The following STK32C variants were observed in gnomAD, a reference collection of about 807,000 sequenced individuals.
STK32C encodes serine/threonine-protein kinase 32C.
STK32C carries 31 observed loss-of-function variants against 56.5 expected under a neutral mutation model. The observed-to-expected ratio is 0.55, with a 90% CI of 0.41 to 0.74. The LOEUF (loss-of-function observed/expected upper bound fraction) is 0.74. Among genes scored for constraint, STK32C ranks in the 30% least tolerant of loss-of-function variants. The probability of loss-of-function intolerance (pLI) is 0.00; values close to 1 mark genes in which losing one functional copy is unlikely to be tolerated. For missense variants in STK32C, 544 were observed against 676.9 expected (o/e 0.80, Z 2.18); for synonymous variants, 309 against 289.4 (o/e 1.07, Z -0.69).
chr10:132,306,433 G>A (rs575322801), intron 1 of STK32C, among the ~76,000 whole-genome samples: 12 of 152,384 alleles, frequency 7.9e-5, no homozygotes, highest in African/African-American at 2.6e-4. Flanking sequence ...ACCCTGGAGC[G>A]TGTGGGGCCT....
chr10:132,317,016 A>G (rs1032263525), intron 1 of STK32C, among the ~76,000 whole-genome samples: 15 of 152,052 alleles, frequency 9.9e-5, no homozygotes, highest in Non-Finnish European at 1.9e-4. Flanking sequence ...AAAAAAAAAA[A>G]AAGATACTTA....
At chr10:132,308,745 C>G (rs776234178), upstream of STK32C, among the ~76,000 whole-genome samples, 3 of 152,192 alleles carry the variant, frequency 2.0e-5, no homozygotes, top group Non-Finnish European at 2.9e-5. Context: ...TGTCCAGATG[C>G]GACAGGGGCC....
chr10:132,265,642 C>T (rs545709041), intron 1 of STK32C, among the ~76,000 whole-genome samples: 63 of 152,260 alleles, frequency 4.1e-4, no homozygotes, highest in Non-Finnish European at 7.8e-4. Context: ...AGGATTCAGC[C>T]GCAGGCAGCC....
chr10:132,263,941 A>G (rs1402845607), intron 1 of STK32C, among the ~76,000 whole-genome samples: 1 of 152,106 alleles, frequency 6.6e-6, no homozygotes, highest in Non-Finnish European at 1.5e-5. Flanking sequence ...CCAAGCTGGA[A>G]GGACCCTGAC....
upstream of STK32C, among the ~76,000 whole-genome samples, chr10:132,312,901 G>C (rs907310243): frequency 1.5e-4 from 23 of 152,144 alleles, no homozygotes; most frequent in African/African-American, 5.3e-4. Context: ...TTAGCCAGGC[G>C]TGGTGGCACA....
At chr10:132,276,849 G>C (rs11146306) in intron 1 of STK32C, among the ~76,000 whole-genome samples, 13 of 151,592 alleles carry the variant, frequency 8.6e-5, no homozygotes, top group Non-Finnish European at 1.6e-4. Context: ...CGTGGCCCAC[G>C]GTCCCCAAGA....
At chr10:132,251,683 C>A (rs984765962) in intron 1 of STK32C, among the ~76,000 whole-genome samples, 2 of 151,978 alleles carry the variant, frequency 1.3e-5, no homozygotes. Flanking sequence ...CAGGTCAACA[C>A]CCTATGCCTC....
Position 132,279,363 on chromosome 10 carries a change from G to A in STK32C, c.262+28209C>T, listed in dbSNP as rs142519027. On this transcript the variant is annotated intron_variant, in intron 1 of 11. Transcript: ENST00000298630. ...TGCTGATAAGAACATATCCCAAAGAGACAACATAAAGCCTTTGCAGGAGTC... is the reference window on the plus strand; with the variant it reads ...TGCTGATAAGAACATATCCCAAAGAAACAACATAAAGCCTTTGCAGGAGTC... 3.0e-3 allele frequency among the ~76,000 whole-genome samples: 452 copies of A among 152,186 alleles called. 1 individual carries two copies. Among genetic ancestry groups the A allele is most frequent in the Middle Eastern group, 6.8e-3 (2 of 294 alleles).
At chr10:132,320,532 G>T (rs1047697943), downstream of STK32C, among the ~76,000 whole-genome samples, 1 of 152,078 alleles carries the variant, frequency 6.6e-6, no homozygotes, top group East Asian at 1.9e-4. Context: ...TCCCACCCCC[G>T]CAGAGGCTGG....
downstream of STK32C, among the ~76,000 whole-genome samples, chr10:132,321,960 T>C (rs2066417034): frequency 1.3e-5 from 2 of 152,172 alleles, no homozygotes; most frequent in Admixed American, 6.5e-5. Flanking sequence ...TGTGGGGCTG[T>C]TGCACTTGAG....
At position 132,299,350 on chromosome 10, in the gene STK32C, C is replaced by A. The variant is rs139689132; in HGVS notation, c.262+8222G>T. On this transcript the variant is annotated intron_variant, in intron 1 of 11. Transcript: ENST00000298630. ...CAAACTGAGACCCCAAGACAAGACC[C>A]AGCAGCACAGACAGCTAATCCACCA... is the stretch of plus-strand genomic sequence containing the variant. 3.7e-3 allele frequency among the ~76,000 whole-genome samples: 562 copies of A among 151,924 alleles called. 1 individual carries two copies. Among genetic ancestry groups the A allele is most frequent in the African/African-American group, 0.013 (540 of 41,368 alleles).
At chr10:132,325,867 G>T (rs146445923) in intron 1 of STK32C, among the ~76,000 whole-genome samples, 1 of 151,834 alleles carries the variant, frequency 6.6e-6, no homozygotes, top group African/African-American at 2.4e-5. Flanking sequence ...GACTATCGGA[G>T]TCTGCAACCA....
intron 2 of STK32C, among the ~76,000 whole-genome samples, chr10:132,231,192 G>A (rs569650150): frequency 3.9e-5 from 6 of 152,186 alleles, no homozygotes; most frequent in African/African-American, 1.4e-4. Context: ...GAGCCACCTC[G>A]AGACAGGGCC....
intron 1 of STK32C, among the ~76,000 whole-genome samples, chr10:132,313,047 A>T (rs1252851412): frequency 2.0e-5 from 3 of 152,194 alleles, no homozygotes; most frequent in African/African-American, 7.2e-5. Flanking sequence ...CTCAAAAAAT[A>T]AAATAAAATT....
At chr10:132,259,017 T>C (rs76977006) in intron 1 of STK32C, among the ~76,000 whole-genome samples, 3 of 149,964 alleles carry the variant, frequency 2.0e-5, no homozygotes, top group East Asian at 1.9e-4. Context: ...AACAGGGCTA[T>C]AGCTTGGGAG....
At chr10:132,250,608 C>T (rs1457208568) in intron 1 of STK32C, among the ~76,000 whole-genome samples, 2 of 141,466 alleles carry the variant, frequency 1.4e-5, no homozygotes, top group African/African-American at 2.7e-5. Context: ...AGAGGGGCTC[C>T]GCCCCGAGGC....
rs192151649 is a variant in STK32C at position 132,246,285 on chromosome 10, C to A, written c.263-330G>T. ...TCGACTGGGCTGTCTTCCCAGGCACCAGCCACCCCCACTGAAAGCTGCTCC... is the reference window on the plus strand; with the variant it reads ...TCGACTGGGCTGTCTTCCCAGGCACAAGCCACCCCCACTGAAAGCTGCTCC... On this transcript the variant is annotated intron_variant, in intron 1 of 11. Transcript: ENST00000298630. Among the ~76,000 whole-genome samples the A allele has an allele frequency of 1.3e-4, 20 of 152,366 alleles. No homozygotes were observed. In the East Asian group the frequency reaches 3.5e-3, roughly 26 times the overall value.
In STK32C at chr10:132,207,780, G is replaced by A; in HGVS notation, c.*230C>T. On this transcript the variant is annotated 3_prime_UTR_variant, in exon 12 of 12. Coordinates refer to ENST00000298630, the MANE Select transcript of STK32C (RefSeq NM_173575.4). ...GCCCAGCAGCGCTTCCTCCATCTAG[G>A]CGGGTCTCGGGGGCCCACGGGAAAT... 1 of 451,004 alleles carries A rather than the reference G, an allele frequency of 2.2e-6. No individual in the cohort carries two copies. The highest frequency in any genetic ancestry group is 6.1e-4 in the Middle Eastern group (1 of 1,646). The allele number at this position is 451,004 out of a possible 1,614,324, so 27.9% of individuals were successfully genotyped here.
At chr10:132,272,731 G>T (rs2064869043) in intron 1 of STK32C, among the ~76,000 whole-genome samples, 1 of 152,196 alleles carries the variant, frequency 6.6e-6, no homozygotes, top group Non-Finnish European at 1.5e-5. Context: ...CAACAAAGCT[G>T]CAGGCGTCGT....
Sources: allele counts gnomAD v4.1 joint callset (sites outside exome capture counted in the v4.1 genomes callset), GRCh38; gene constraint gnomAD v4.1.1; transcripts MANE v1.5; gene names NCBI Gene and HGNC (gene_info 2026-07-23, HGNC 2026-07-21).